Variants in PBRM1 observed in about 807,000 individuals in gnomAD.
PBRM1 encodes the protein polybromo 1.
PBRM1 carries 27 observed loss-of-function variants against 194.5 expected under a neutral mutation model. The observed-to-expected ratio is 0.14, with a 90% CI of 0.10 to 0.19. The LOEUF (loss-of-function observed/expected upper bound fraction) is 0.19. Among genes scored for constraint, PBRM1 ranks in the 10% least tolerant of loss-of-function variants. PBRM1 has a pLI of 1.00. For missense variants in PBRM1, 1,466 were observed against 2,077.2 expected, an observed-to-expected ratio of 0.71 and a Z score of 5.72; for synonymous variants, 655 against 693.2, an observed-to-expected ratio of 0.94 and a Z score of 0.87.
At chr3:52,648,359 G>T (rs965475405) in exon 7 of PBRM1, 2 of 1,599,740 alleles carry the variant, frequency 1.3e-6, no homozygotes, top group Non-Finnish European at 1.7e-6. Context: ...ATACTTGAGA[G>T]CCAGGCTCAT....
At chr3:52,683,935 CTGAGGCAGGATGACCGCT>C (rs1181006997), upstream of PBRM1, among the ~76,000 whole-genome samples, 1 of 123,294 alleles carries the variant, frequency 8.1e-6, no homozygotes, top group Non-Finnish European at 1.7e-5. Flanking sequence ...CTTGGAGAGG[CTGAGGCAGGATGACCGCT>C]TGAGGCAGAG....
At chr3:52,569,188 G>C (rs1338274917) in intron 22 of PBRM1, among the ~76,000 whole-genome samples, 7 of 151,118 alleles carry the variant, frequency 4.6e-5, no homozygotes, top group African/African-American at 1.7e-4. Flanking sequence ...CACTGCACCC[G>C]ATTCTAAGTT....
intron 27 of PBRM1, among the ~76,000 whole-genome samples, chr3:52,553,046 C>T (rs2081349726): frequency 6.6e-6 from 1 of 152,210 alleles, no homozygotes; most frequent in Non-Finnish European, 1.5e-5. Context: ...TCACTCTGCA[C>T]ACTGCTGGGT....
chr3:52,580,997 A>G (rs2153701859), intron 20 of PBRM1, among the ~76,000 whole-genome samples: 1 of 152,366 alleles, frequency 6.6e-6, no homozygotes. Flanking sequence ...AACCTAGCTG[A>G]TAATCGGCAC....
At chr3:52,601,089 C>G (rs1391001254) in intron 17 of PBRM1, among the ~76,000 whole-genome samples, 1 of 152,182 alleles carries the variant, frequency 6.6e-6, no homozygotes, top group East Asian at 1.9e-4. Context: ...TTCCAGTGTT[C>G]TGAATTTACT....
chr3:52,614,743 G>T (rs1031426009), intron 15 of PBRM1, among the ~76,000 whole-genome samples: 1 of 151,854 alleles, frequency 6.6e-6, no homozygotes, highest in Admixed American at 6.6e-5. Flanking sequence ...GCTAATTTTT[G>T]TATTTTTAGT....
intron 9 of PBRM1, 80 bp downstream of exon 10, chr3:52,643,168 A>G: frequency 3.1e-6 from 3 of 980,602 alleles, no homozygotes; most frequent in South Asian, 2.6e-5. Context: ...TATTCCTTCA[A>G]GATAGCCATT....
At chr3:52,551,610 A>C (rs1187358481) in intron 27 of PBRM1, among the ~76,000 whole-genome samples, 2 of 152,216 alleles carry the variant, frequency 1.3e-5, no homozygotes, top group Non-Finnish European at 2.9e-5. Flanking sequence ...TTAGTGTCAG[A>C]GGCTCTTTTG....
upstream of PBRM1, among the ~76,000 whole-genome samples, chr3:52,684,428 C>T (rs910107733): frequency 1.3e-5 from 2 of 152,092 alleles, no homozygotes; most frequent in African/African-American, 2.4e-5. Flanking sequence ...TAGCCCTCTC[C>T]TATATTTCTA....
At chr3:52,586,083 G>T (rs575192353) in intron 20 of PBRM1, 80 of 171,044 alleles carry the variant, frequency 4.7e-4, no homozygotes, top group Non-Finnish European at 6.2e-4. Context: ...TTACAGGCAC[G>T]CGCCACCACA....
chr3:52,575,870 T>C (rs2089442804), intron 22 of PBRM1, among the ~76,000 whole-genome samples: 1 of 151,988 alleles, frequency 6.6e-6, no homozygotes, highest in Admixed American at 6.6e-5. Context: ...TAAAATGTCA[T>C]TGCAAATAGT....
At chr3:52,633,575 G>A (rs192057893) in intron 11 of PBRM1, among the ~76,000 whole-genome samples, 1 of 152,008 alleles carries the variant, frequency 6.6e-6, no homozygotes, top group Non-Finnish European at 1.5e-5. Flanking sequence ...TTAATTTTTT[G>A]AGGAACTGCC....
intron 5 of PBRM1, 96 bp from the exon 7 acceptor site, chr3:52,651,906 A>C (rs2096504091): frequency 2.6e-6 from 2 of 756,384 alleles, no homozygotes; most frequent in South Asian, 3.5e-5. Flanking sequence ...TCAAACAACC[A>C]GTGAAGCAGC....
At chr3:52,599,655 CAA>C (rs71615864) in intron 17 of PBRM1, among the ~76,000 whole-genome samples, 48,341 of 122,832 alleles carry the variant, frequency 0.39, 8,975 homozygotes, top group Middle Eastern at 0.53. Context: ...ACTAAAAATA[CAA>C]AAAAAAAAAA....
chr3:52,552,226 C>T (rs376791148), intron 27 of PBRM1, among the ~76,000 whole-genome samples: 4 of 152,292 alleles, frequency 2.6e-5, no homozygotes, highest in South Asian at 2.1e-4. Context: ...TTCCAGAACA[C>T]GGTGTGGCTC....
chr3:52,547,248 C>T (rs182419365), downstream of PBRM1: 130 of 233,056 alleles, frequency 5.6e-4, no homozygotes, highest in African/African-American at 2.7e-3. Flanking sequence ...AACGTACCTG[C>T]CTAGATTAAA....
chr3:52,576,831 A>G (rs2089736645), intron 21 of PBRM1, 133 bp from the exon 24 acceptor site: 1 of 524,516 alleles, frequency 1.9e-6, no homozygotes, highest in African/African-American at 2.0e-5. Flanking sequence ...TTTTGGTAAG[A>G]CAACTTCATT....
chr3:52,563,478 A>T, exon 24 of PBRM1: 1 of 1,613,814 alleles, frequency 6.2e-7, no homozygotes, highest in Non-Finnish European at 8.5e-7. Flanking sequence ...GCTCCTTCTG[A>T]GGAACAATTG....
intron 20 of PBRM1, among the ~76,000 whole-genome samples, chr3:52,581,387 G>A (rs900951339): frequency 1.3e-5 from 2 of 151,898 alleles, no homozygotes; most frequent in Non-Finnish European, 2.9e-5. Flanking sequence ...GTGCGCGCCT[G>A]TAGTCCCAGG....
Sources: gnomAD v4.1 joint callset for allele counts (sites outside exome capture counted in the v4.1 genomes callset) on GRCh38, gnomAD v4.1.1 for gene constraint, MANE v1.5 for transcripts, NCBI Gene and HGNC (gene_info 2026-07-23, HGNC 2026-07-21) for gene names.